The following IRAG1 variants were observed in gnomAD, a reference collection of about 807,000 sequenced individuals.
The protein encoded by IRAG1 is inositol 1,4,5-triphosphate receptor associated 1, also known as IP3R-associated cGMP kinase substrate.
In IRAG1, 62 loss-of-function variants were observed where a neutral mutation model predicts 106.2. The ratio of observed to expected loss-of-function variants is 0.58; its 90% confidence interval spans 0.48 to 0.72. The LOEUF (loss-of-function observed/expected upper bound fraction) is 0.72, where lower values mean the gene tolerates loss of function less well. Ranked by LOEUF, IRAG1 falls within the 30% of genes least tolerant of loss-of-function variation. The pLI is 0.00. For missense variants in IRAG1, 1,064 were observed against 1,140.7 expected, an observed-to-expected ratio of 0.93 and a Z score of 0.97; for synonymous variants, 462 against 443.9, an observed-to-expected ratio of 1.04 and a Z score of -0.51.
At chr11:10,692,060 C>A (rs1262442284) in intron 1 of IRAG1, among the ~76,000 whole-genome samples, 2 of 152,090 alleles carry the variant, frequency 1.3e-5, no homozygotes, top group African/African-American at 4.8e-5. Context: ...ATGGGGATAA[C>A]CAATCATGTA....
chr11:10,592,036 A>G (rs528721380), intron 17 of IRAG1, among the ~76,000 whole-genome samples: 5 of 152,338 alleles, frequency 3.3e-5, no homozygotes, highest in African/African-American at 9.6e-5. Flanking sequence ...TCCAGGTACA[A>G]TTCTCAGGAG....
At chr11:10,579,726 A>G (rs72861081) in intron 20 of IRAG1, among the ~76,000 whole-genome samples, 1,784 of 152,234 alleles carry the variant, frequency 0.012, 17 homozygotes, top group Non-Finnish European at 0.018. Flanking sequence ...ACTTCATTGC[A>G]TGGAGTGCCC....
At chr11:10,673,417 A>C (rs1860406595) in intron 1 of IRAG1, among the ~76,000 whole-genome samples, 1 of 152,328 alleles carries the variant, frequency 6.6e-6, no homozygotes, top group South Asian at 2.1e-4. Context: ...CATACGTATT[A>C]TTTTATTTAT....
rs1854315704 is a variant in IRAG1 at position 10,604,535 on chromosome 11, A to G, written c.1613T>C (p.Val538Ala). 6.2e-7 allele frequency: 1 copy of G among 1,613,958 alleles called. No homozygotes were observed. The highest frequency in any genetic ancestry group is 1.3e-5 in the African/African-American group (1 of 74,936). The change falls in exon 13 of 21, where the codon GTG becomes GCG. Residue 538 changes from valine (V) to alanine (A), a missense_variant. Transcript: ENST00000423302. Reference protein sequence around the residue: ...LTEKEVENVFVQLSLAFRNDS... With the variant: ...LTEKEVENVFAQLSLAFRNDS... ...ATTTCTAAAGGCCAAGGACAGTTGC[A>G]CAAACACGTTCTGTTGGGAACAAGG...
intron 1 of IRAG1, chr11:10,690,220 T>C (rs1386848438): frequency 8.4e-6 from 3 of 357,352 alleles, no homozygotes; most frequent in African/African-American, 4.5e-5. Context: ...CAAAACTCCA[T>C]CTTTACTAAA....
intron 1 of IRAG1, among the ~76,000 whole-genome samples, chr11:10,670,851 A>G (rs1216429879): frequency 1.3e-5 from 2 of 152,220 alleles, no homozygotes; most frequent in African/African-American, 4.8e-5. Flanking sequence ...ATAAGCAAGG[A>G]GAGAGGCCGC....
At chr11:10,660,521 C>G (rs1463206793) in intron 1 of IRAG1, among the ~76,000 whole-genome samples, 2 of 152,104 alleles carry the variant, frequency 1.3e-5, no homozygotes, top group Non-Finnish European at 2.9e-5. Flanking sequence ...CCTTTTCCCC[C>G]CAGAGAGCTG....
chr11:10,573,172 T>G lies in IRAG1; in HGVS notation c.*3160A>C, dbSNP rs900553541. 15 of 152,218 alleles carry G rather than the reference T, an allele frequency of 9.9e-5. No homozygotes were observed. The highest frequency in any genetic ancestry group is 8.5e-4 in the Admixed American group (13 of 15,290). The allele number at this position is 152,218 out of a possible 1,614,324, so 9.4% of individuals were successfully genotyped here. A position where few individuals can be genotyped will look rare whatever the true frequency, so the allele number is the denominator to read the frequency against. Reference sequence around the variant, plus strand: ...AATGCTAGCACACCTGTGTGAGGCTTAACAACATGAGGAACTGATAGCCAG... The same window carrying G: ...AATGCTAGCACACCTGTGTGAGGCTGAACAACATGAGGAACTGATAGCCAG... On this transcript the variant is annotated 3_prime_UTR_variant, in exon 21 of 21. Coordinates refer to ENST00000423302, the MANE Select transcript of IRAG1 (RefSeq NM_130385.4).
At chr11:10,590,413 C>T (rs967509873) in intron 18 of IRAG1, among the ~76,000 whole-genome samples, 5 of 152,172 alleles carry the variant, frequency 3.3e-5, no homozygotes, top group South Asian at 2.1e-4. Context: ...GGTGGCTATA[C>T]AGAATGACAG....
intron 1 of IRAG1, among the ~76,000 whole-genome samples, chr11:10,662,509 G>A (rs774224191): frequency 2.0e-5 from 3 of 152,222 alleles, no homozygotes; most frequent in Admixed American, 1.3e-4. Context: ...AATTTGCAAA[G>A]TGAATTTTCA....
In IRAG1 at chr11:10,626,600, A is replaced by G; in HGVS notation, c.751-17T>C. 9.5e-6 allele frequency: 15 copies of G among 1,580,956 alleles called. No homozygotes were observed. Among genetic ancestry groups the G allele is most frequent in the Non-Finnish European group, 1.3e-5 (15 of 1,161,608 alleles). ...GGGGACGTTCTGAAAAAGACAAGGT[A>G]GAGCTGGAACCCTCGGGGGCAGGTT... is the stretch of plus-strand genomic sequence containing the variant. On this transcript the variant is annotated splice_polypyrimidine_tract_variant and intron_variant, in intron 8 of 20. Coordinates refer to ENST00000423302, the MANE Select transcript of IRAG1 (RefSeq NM_130385.4).
At chr11:10,608,519 T>C (rs983278810) in intron 11 of IRAG1, among the ~76,000 whole-genome samples, 1 of 152,074 alleles carries the variant, frequency 6.6e-6, no homozygotes, top group Non-Finnish European at 1.5e-5. Flanking sequence ...AGAAGCCACA[T>C]GGTATGTCTG....
chr11:10,670,580 T>C (rs7933525), intron 1 of IRAG1, among the ~76,000 whole-genome samples: 37,760 of 152,152 alleles, frequency 0.25, 5,787 homozygotes, highest in East Asian at 0.81. Flanking sequence ...AGAAGGCTAT[T>C]GCTATGGGCT....
intron 10 of IRAG1, among the ~76,000 whole-genome samples, chr11:10,616,290 C>G (rs886856702): frequency 8.5e-6 from 1 of 117,354 alleles, no homozygotes; most frequent in Non-Finnish European, 1.8e-5. Context: ...GACTCCATCT[C>G]AAAAAAAAAA....
intron 10 of IRAG1, among the ~76,000 whole-genome samples, chr11:10,618,493 A>C (rs2039441162): frequency 6.6e-6 from 1 of 152,240 alleles, no homozygotes; most frequent in Non-Finnish European, 1.5e-5. Flanking sequence ...CTGACATGCC[A>C]CATCCTCTGG....
chr11:10,586,293 C>T (rs1477279164), intron 18 of IRAG1, among the ~76,000 whole-genome samples: 4 of 152,136 alleles, frequency 2.6e-5, no homozygotes, highest in Admixed American at 6.6e-5. Flanking sequence ...TAAATATCTT[C>T]TCTAACTATC....
chr11:10,625,937 C>A (rs1191612452), intron 9 of IRAG1, 29 bp downstream of exon 9: 5 of 1,447,444 alleles, frequency 3.5e-6, no homozygotes, highest in Non-Finnish European at 4.5e-6. Context: ...GGAGTACACA[C>A]TCTGCCCAAC....
At chr11:10,587,706 G>A (rs957451847) in intron 18 of IRAG1, among the ~76,000 whole-genome samples, 5 of 152,180 alleles carry the variant, frequency 3.3e-5, no homozygotes, top group African/African-American at 4.8e-5. Context: ...TGATCGCTCT[G>A]TGAACGGTTC....
At chr11:10,634,168 A>G (rs1324504705) in intron 2 of IRAG1, 97 bp from the exon 3 acceptor site, 11 of 631,160 alleles carry the variant, frequency 1.7e-5, no homozygotes, top group Non-Finnish European at 2.7e-6. Flanking sequence ...TGATGCTCAG[A>G]GCCATCTTGA....
Sources: allele counts gnomAD v4.1 joint callset (sites outside exome capture counted in the v4.1 genomes callset), GRCh38; gene constraint gnomAD v4.1.1; transcripts MANE v1.5; gene names NCBI Gene and HGNC (gene_info 2026-07-23, HGNC 2026-07-21).